The following PCSK5 variants were observed in gnomAD, a reference collection of about 807,000 sequenced individuals.
The protein encoded by PCSK5 is proprotein convertase subtilisin/kexin type 5.
In PCSK5, 129 loss-of-function variants were observed where a neutral mutation model predicts 233.2. The ratio of observed to expected loss-of-function variants is 0.55; its 90% confidence interval spans 0.48 to 0.64. The LOEUF (loss-of-function observed/expected upper bound fraction) is 0.64. Among genes scored for constraint, PCSK5 ranks in the 30% least tolerant of loss-of-function variants. PCSK5 has a pLI of 0.00. For missense variants in PCSK5, 2,076 were observed against 2,430.1 expected, an observed-to-expected ratio of 0.85 and a Z score of 3.06; for synonymous variants, 825 against 879.2, an observed-to-expected ratio of 0.94 and a Z score of 1.09.
chr9:76,050,557 T>C (rs1829586849), intron 5 of PCSK5, among the ~76,000 whole-genome samples: 1 of 152,168 alleles, frequency 6.6e-6, no homozygotes, highest in Admixed American at 6.5e-5. Flanking sequence ...AGTTCAGGTG[T>C]AAGGAGGAGG....
At chr9:76,342,436 A>G (rs1829860130) in intron 35 of PCSK5, among the ~76,000 whole-genome samples, 1 of 152,214 alleles carries the variant, frequency 6.6e-6, no homozygotes, top group Non-Finnish European at 1.5e-5. Context: ...TTGATGATAT[A>G]GAAACACCAA....
chr9:76,132,521 G>A (rs1315628698), intron 9 of PCSK5, among the ~76,000 whole-genome samples: 2 of 151,962 alleles, frequency 1.3e-5, no homozygotes, highest in Non-Finnish European at 2.9e-5. Flanking sequence ...AAAATGGCAG[G>A]ACTCAGTCTC....
chr9:76,110,944 TA>T (rs1479003563), intron 9 of PCSK5, among the ~76,000 whole-genome samples: 1 of 151,986 alleles, frequency 6.6e-6, no homozygotes, highest in African/African-American at 2.4e-5. Flanking sequence ...CCATCTCTAC[TA>T]AACATATAAA....
chr9:76,193,384 A>T (rs761525253), intron 20 of PCSK5: 7 of 1,547,086 alleles, frequency 4.5e-6, no homozygotes, highest in Non-Finnish European at 3.5e-6. Context: ...GTTCCTGTAG[A>T]CTTATAGATT....
intron 28 of PCSK5, 78 bp downstream of exon 28, chr9:76,302,295 C>T (rs999919701): frequency 4.9e-5 from 33 of 670,670 alleles, no homozygotes; most frequent in African/African-American, 1.4e-4. Flanking sequence ...GAAATCACCC[C>T]AAGAAGCTGG....
chr9:76,197,468 A>G (rs1400963777), intron 20 of PCSK5, among the ~76,000 whole-genome samples: 1 of 152,246 alleles, frequency 6.6e-6, no homozygotes, highest in Non-Finnish European at 1.5e-5. Context: ...AAGTTTCTCA[A>G]TCAAAGTGAT....
At chr9:76,178,630 G>A (rs1403724946) in intron 14 of PCSK5, among the ~76,000 whole-genome samples, 1 of 152,168 alleles carries the variant, frequency 6.6e-6, no homozygotes, top group Non-Finnish European at 1.5e-5. Context: ...AGGTGTAACA[G>A]TAAGTCCTTT....
At chr9:75,985,482 C>T (rs962289201) in intron 2 of PCSK5, among the ~76,000 whole-genome samples, 12 of 151,880 alleles carry the variant, frequency 7.9e-5, no homozygotes, top group South Asian at 2.1e-4. Context: ...GTCTTTCCAC[C>T]GCACGGTGTT....
chr9:76,232,475 G>A (rs1426539362), intron 21 of PCSK5, among the ~76,000 whole-genome samples: 2 of 152,104 alleles, frequency 1.3e-5, no homozygotes, highest in Non-Finnish European at 2.9e-5. Context: ...ACTGAGCAGC[G>A]GATCTCAAAG....
chr9:75,921,457 C>G (rs1823256269), intron 1 of PCSK5, among the ~76,000 whole-genome samples: 1 of 152,118 alleles, frequency 6.6e-6, no homozygotes, highest in African/African-American at 2.4e-5. Flanking sequence ...TTGTTTCCAT[C>G]TATGTGGCAA....
intron 5 of PCSK5, among the ~76,000 whole-genome samples, chr9:76,062,054 C>G (rs1830047271): frequency 1.3e-5 from 2 of 152,014 alleles, no homozygotes; most frequent in Non-Finnish European, 1.5e-5. Flanking sequence ...GGAGATTAAC[C>G]TGAGTAACAT....
In PCSK5 at chr9:76,280,957, C is replaced by T. The variant is rs116098777; in HGVS notation, c.3143-11276C>T. Among the ~76,000 whole-genome samples, 818 of 152,124 alleles carry T rather than the reference C, an allele frequency of 5.4e-3. 8 individuals carry two copies. Among genetic ancestry groups the T allele is most frequent in the African/African-American group, 0.018 (729 of 41,454 alleles). ...CCACAACATTTCCTTAAGCCAAAGCCTAATCCAGAGCAAGGACCTAACTCT... is the reference window on the plus strand; with the variant it reads ...CCACAACATTTCCTTAAGCCAAAGCTTAATCCAGAGCAAGGACCTAACTCT... On this transcript the variant is annotated intron_variant, in intron 24 of 37. Coordinates refer to ENST00000674117, the MANE Select transcript of PCSK5 (RefSeq NM_001372043.1).
intron 3 of PCSK5, among the ~76,000 whole-genome samples, chr9:75,995,234 G>T (rs1826960536): frequency 6.6e-6 from 1 of 152,148 alleles, no homozygotes; most frequent in African/African-American, 2.4e-5. Flanking sequence ...GTGTGATCAT[G>T]TGATAACTAT....
chr9:76,075,663 A>G (rs1240328157), intron 7 of PCSK5, among the ~76,000 whole-genome samples: 1 of 152,236 alleles, frequency 6.6e-6, no homozygotes, highest in Non-Finnish European at 1.5e-5. Flanking sequence ...AGGGTACAAC[A>G]AAGAAATAAA....
At chr9:76,038,334 T>C (rs1180917921) in intron 5 of PCSK5, among the ~76,000 whole-genome samples, 1 of 152,212 alleles carries the variant, frequency 6.6e-6, no homozygotes, top group Non-Finnish European at 1.5e-5. Context: ...GGGACACGTT[T>C]GTCTCTAGCA....
At chr9:76,047,100 C>CTT (rs61399433) in intron 5 of PCSK5, among the ~76,000 whole-genome samples, 4 of 143,348 alleles carry the variant, frequency 2.8e-5, no homozygotes, top group Admixed American at 7.0e-5. Context: ...TCAAGGAAAT[C>CTT]TTTTTTTTTT....
intron 8 of PCSK5, among the ~76,000 whole-genome samples, chr9:76,096,986 C>T (rs1831544700): frequency 1.3e-5 from 2 of 151,250 alleles, no homozygotes; most frequent in African/African-American, 4.9e-5. Context: ...GGCTGGAGTA[C>T]AGTGGTGCGA....
chr9:76,310,728 G>A lies in PCSK5; in HGVS notation c.3761G>A (p.Ser1254Asn). Reference sequence around the variant, plus strand: ...ACATGGCCTTCCGTAAGGAGTGGGAGCTGCGAGAACTGTACGGAGGCCTGT... The same window carrying A: ...ACATGGCCTTCCGTAAGGAGTGGGAACTGCGAGAACTGTACGGAGGCCTGT... ...QGTWPSVRSG[S>N]CENCTEACAI... Residue 1254 changes from serine to asparagine, a missense_variant, in exon 30 of 38, where the codon AGC (serine) becomes AAC (asparagine). Transcript: ENST00000674117. 6.2e-7 allele frequency: 1 copy of A among 1,612,148 alleles called. No homozygotes were observed. Among genetic ancestry groups the A allele is most frequent in the Non-Finnish European group, 8.5e-7 (1 of 1,179,554 alleles).
At chr9:76,041,803 C>T (rs535896273) in intron 5 of PCSK5, among the ~76,000 whole-genome samples, 3 of 149,978 alleles carry the variant, frequency 2.0e-5, no homozygotes, top group South Asian at 4.2e-4. Context: ...TGTACCATTA[C>T]ACCCCAGTCT....
Sources: gnomAD v4.1 joint callset for allele counts (sites outside exome capture counted in the v4.1 genomes callset) on GRCh38, gnomAD v4.1.1 for gene constraint, MANE v1.5 for transcripts, NCBI Gene and HGNC (gene_info 2026-07-23, HGNC 2026-07-21) for gene names.